STPG2: variants seen among roughly 807,000 people sequenced by gnomAD.
STPG2 encodes sperm-tail PG-rich repeat-containing protein 2.
STPG2 carries 56 observed loss-of-function variants against 54.2 expected under a neutral mutation model. That is an observed-to-expected ratio of 1.03 (90% confidence interval 0.83 to 1.29). STPG2 has a LOEUF of 1.29. STPG2 is among the 50% of genes most tolerant of loss of function. The probability of loss-of-function intolerance (pLI) is 0.00; values close to 1 mark genes in which losing one functional copy is unlikely to be tolerated. For synonymous variants in STPG2, 200 were observed against 181.8 expected (o/e 1.10, Z -0.81); for missense variants, 596 against 544.9 (o/e 1.09, Z -0.93).
chr4:97,603,132 A>C (rs1013304208), intron 10 of STPG2, among the ~76,000 whole-genome samples: 5 of 151,792 alleles, frequency 3.3e-5, no homozygotes, highest in African/African-American at 1.2e-4. Flanking sequence ...AAACAAACAA[A>C]CCAATTTAAA....
intron 9 of STPG2, among the ~76,000 whole-genome samples, chr4:97,783,475 T>C (rs1320378697): frequency 2.0e-5 from 3 of 152,204 alleles, no homozygotes; most frequent in African/African-American, 7.2e-5. Context: ...ACACTGTTGG[T>C]GGCACTGTAA....
chr4:97,615,718 T>C (rs1733844039), intron 10 of STPG2, among the ~76,000 whole-genome samples: 1 of 151,940 alleles, frequency 6.6e-6, no homozygotes, highest in African/African-American at 2.4e-5. Flanking sequence ...ATGAATTTCA[T>C]TATACAATGA....
intron 5 of STPG2, among the ~76,000 whole-genome samples, chr4:98,050,371 G>A (rs571066859): frequency 2.4e-4 from 36 of 152,166 alleles, no homozygotes; most frequent in African/African-American, 8.7e-4. Context: ...CTGAGTGATG[G>A]GCACATGAGG....
At chr4:97,956,658 C>G (rs912940026) in intron 7 of STPG2, among the ~76,000 whole-genome samples, 2 of 152,158 alleles carry the variant, frequency 1.3e-5, no homozygotes, top group East Asian at 1.9e-4. Context: ...CGCAGACAAC[C>G]CCCAGTAGCA....
At chr4:97,656,012 G>T (rs1722210012) in intron 10 of STPG2, among the ~76,000 whole-genome samples, 1 of 152,046 alleles carries the variant, frequency 6.6e-6, no homozygotes, top group African/African-American at 2.4e-5. Flanking sequence ...AACATATTAT[G>T]AGATCAGGGA....
At chr4:97,633,608 G>C (rs1289991553) in intron 10 of STPG2, 1 of 152,220 alleles carries the variant, frequency 6.6e-6, no homozygotes, top group African/African-American at 2.4e-5. Flanking sequence ...GGGAGTGCCA[G>C]ACAGTGGGCG....
At chr4:97,616,091 T>G (rs113424558) in intron 10 of STPG2, among the ~76,000 whole-genome samples, 1 of 83,200 alleles carries the variant, frequency 1.2e-5, no homozygotes, top group African/African-American at 3.4e-5. Context: ...TATATATATA[T>G]ATATGTATGT....
At chr4:97,476,895 T>C (rs564481994) in intron 4 of STPG2, among the ~76,000 whole-genome samples, 1 of 152,344 alleles carries the variant, frequency 6.6e-6, no homozygotes, top group African/African-American at 2.4e-5. Context: ...TTACTGATCA[T>C]GAGTAGACAC....
At chr4:98,065,985 T>G (rs886433095) in intron 5 of STPG2, among the ~76,000 whole-genome samples, 1 of 151,946 alleles carries the variant, frequency 6.6e-6, no homozygotes, top group African/African-American at 2.4e-5. Context: ...TTTTAATAAT[T>G]TAACATCATT....
chr4:97,461,971 TTTA>T (rs1240428450), intron 4 of STPG2, among the ~76,000 whole-genome samples: 2 of 152,138 alleles, frequency 1.3e-5, no homozygotes, highest in African/African-American at 4.8e-5. Flanking sequence ...ATATCATCTT[TTTA>T]TTATTAGTTA....
intron 9 of STPG2, among the ~76,000 whole-genome samples, chr4:97,804,475 GA>G (rs1307996869): frequency 2.0e-5 from 3 of 151,814 alleles, no homozygotes; most frequent in Non-Finnish European, 2.9e-5. Flanking sequence ...TTTAAAAATA[GA>G]AAAAAAGCTT....
chr4:98,098,814 T>C (rs1350741995), intron 5 of STPG2, among the ~76,000 whole-genome samples: 2 of 152,064 alleles, frequency 1.3e-5, no homozygotes, highest in Admixed American at 1.3e-4. Context: ...GGCAAAAGAT[T>C]TCAATAGATA....
intron 8 of STPG2, among the ~76,000 whole-genome samples, chr4:97,884,291 C>G (rs542695022): frequency 3.3e-5 from 5 of 152,230 alleles, no homozygotes; most frequent in South Asian, 2.1e-4. Flanking sequence ...TTACAATGAA[C>G]TTAACCCTAA....
chr4:98,004,347 C>G (rs1052170961), intron 5 of STPG2, among the ~76,000 whole-genome samples: 1 of 151,892 alleles, frequency 6.6e-6, no homozygotes, highest in African/African-American at 2.4e-5. Flanking sequence ...TAATATTCCT[C>G]TGTGTGTGTA....
chr4:97,777,884 A>G (rs180799203), intron 9 of STPG2, among the ~76,000 whole-genome samples: 2 of 152,278 alleles, frequency 1.3e-5, no homozygotes, highest in Admixed American at 1.3e-4. Context: ...TGAGATATCA[A>G]ATTACTATCT....
chr4:97,955,424 C>A (rs1233933064), intron 7 of STPG2, among the ~76,000 whole-genome samples: 1 of 151,940 alleles, frequency 6.6e-6, no homozygotes, highest in East Asian at 1.9e-4. Context: ...ACTGTGTTAG[C>A]CAAAATGGTC....
At chr4:97,987,584 T>C (rs1207154192) in intron 5 of STPG2, among the ~76,000 whole-genome samples, 1 of 152,140 alleles carries the variant, frequency 6.6e-6, no homozygotes, top group Non-Finnish European at 1.5e-5. Context: ...CATCAAATAT[T>C]TTAATTACAT....
intron 9 of STPG2, among the ~76,000 whole-genome samples, chr4:97,755,436 A>G (rs1359653604): frequency 6.6e-6 from 1 of 152,166 alleles, no homozygotes; most frequent in Non-Finnish European, 1.5e-5. Context: ...ATGTTCTGCA[A>G]CTGAGTTACC....
intron 4 of STPG2, among the ~76,000 whole-genome samples, chr4:97,524,675 T>A (rs1191798114): frequency 1.3e-5 from 2 of 151,976 alleles, no homozygotes; most frequent in Non-Finnish European, 2.9e-5. Flanking sequence ...CTTACAGCAA[T>A]CCTCTTTTTT....
Sources: gnomAD v4.1 joint callset for allele counts (sites outside exome capture counted in the v4.1 genomes callset) on GRCh38, gnomAD v4.1.1 for gene constraint, MANE v1.5 for transcripts, NCBI Gene and HGNC (gene_info 2026-07-23, HGNC 2026-07-21) for gene names.